Variants in DOCK4 observed in about 807,000 individuals in gnomAD.
DOCK4 encodes the protein dedicator of cytokinesis protein 4.
A neutral mutation model predicts 268.1 loss-of-function variants in DOCK4; 97 were observed. The ratio of observed to expected loss-of-function variants is 0.36; its 90% confidence interval spans 0.31 to 0.43. The LOEUF (loss-of-function observed/expected upper bound fraction) is 0.43. Among genes scored for constraint, DOCK4 ranks in the 20% least tolerant of loss-of-function variants. The probability of loss-of-function intolerance (pLI) is 1.00; values close to 1 mark genes in which losing one functional copy is unlikely to be tolerated. For synonymous variants in DOCK4, 954 were observed against 887.2 expected (o/e 1.08, Z -1.34); for missense variants, 2,145 against 2,455.7 (o/e 0.87, Z 2.67).
intron 1 of DOCK4, among the ~76,000 whole-genome samples, chr7:112,022,138 T>C (rs745339304): frequency 7.2e-5 from 11 of 152,224 alleles, no homozygotes; most frequent in Non-Finnish European, 1.2e-4. Context: ...TCTGTCTCTA[T>C]TCAGTTCCCC....
Position 111,992,299 on chromosome 7 carries a change from G to T in DOCK4, c.315+1836C>A, listed in dbSNP as rs1799605658. ...TAGAGAAGCTAGGTGCCTTAAAACTGTTGGAAAAGACGATGGACAATAACC... is the reference window on the plus strand; with the variant it reads ...TAGAGAAGCTAGGTGCCTTAAAACTTTTGGAAAAGACGATGGACAATAACC... On this transcript the variant is annotated intron_variant, in intron 5 of 52. Coordinates refer to ENST00000428084, the MANE Select transcript of DOCK4 (RefSeq NM_001363540.2). Among the ~76,000 whole-genome samples the T allele has an allele frequency of 2.6e-5, 4 of 152,270 alleles. No individual in the cohort carries two copies. The East Asian group carries it at 7.7e-4, about 29-fold the overall frequency.
intron 1 of DOCK4, among the ~76,000 whole-genome samples, chr7:112,097,089 G>A (rs1207002379): frequency 2.0e-5 from 3 of 152,188 alleles, no homozygotes; most frequent in Non-Finnish European, 4.4e-5. Flanking sequence ...GAAAAGAGAA[G>A]AAACTAAGTT....
intron 1 of DOCK4, among the ~76,000 whole-genome samples, chr7:112,016,850 G>A (rs1482786085): frequency 1.3e-5 from 2 of 152,056 alleles, no homozygotes; most frequent in Admixed American, 6.6e-5. Context: ...ACAAATTAAC[G>A]TTTTTGTCCA....
At chr7:111,985,468 T>A (rs1408681121) in intron 6 of DOCK4, among the ~76,000 whole-genome samples, 7 of 152,182 alleles carry the variant, frequency 4.6e-5, no homozygotes, top group African/African-American at 1.7e-4. Context: ...TTTCTTACTT[T>A]CGTATTTTAA....
chr7:111,968,666 T>C (rs1245192595), intron 8 of DOCK4, among the ~76,000 whole-genome samples: 1 of 122,664 alleles, frequency 8.2e-6, no homozygotes, highest in Non-Finnish European at 1.6e-5. Context: ...TCCTCAGGGA[T>C]CTAGAACTAG....
intron 1 of DOCK4, among the ~76,000 whole-genome samples, chr7:112,004,664 C>A (rs1800709587): frequency 6.6e-6 from 1 of 152,144 alleles, no homozygotes; most frequent in Non-Finnish European, 1.5e-5. Flanking sequence ...GTGCCCAGAG[C>A]CTAGCATAGT....
chr7:111,950,304 G>GT (rs1453551094), intron 8 of DOCK4, among the ~76,000 whole-genome samples: 3 of 152,182 alleles, frequency 2.0e-5, no homozygotes, highest in African/African-American at 7.2e-5. Flanking sequence ...ACAGAAATAT[G>GT]TTTTTGACAG....
At chr7:111,902,476 G>C (rs1469396843) in intron 13 of DOCK4, among the ~76,000 whole-genome samples, 1 of 150,472 alleles carries the variant, frequency 6.6e-6, no homozygotes, top group Non-Finnish European at 1.5e-5. Context: ...TATAAAACTT[G>C]AGTTTTTAAA....
intron 1 of DOCK4, among the ~76,000 whole-genome samples, chr7:112,176,335 A>G (rs1407004292): frequency 6.6e-6 from 1 of 152,110 alleles, no homozygotes; most frequent in African/African-American, 2.4e-5. Flanking sequence ...CCCAATGTGT[A>G]CCCATTAGAA....
chr7:111,938,085 A>T (rs564113911), intron 11 of DOCK4, among the ~76,000 whole-genome samples: 3 of 152,220 alleles, frequency 2.0e-5, no homozygotes, highest in Non-Finnish European at 4.4e-5. Flanking sequence ...ACTGAAATTG[A>T]GGGTTGCTAT....
chr7:112,051,610 GA>G (rs1324053774), intron 1 of DOCK4, among the ~76,000 whole-genome samples: 1 of 151,598 alleles, frequency 6.6e-6, no homozygotes, highest in Non-Finnish European at 1.5e-5. Context: ...CAGGAGATCA[GA>G]AAAAAGAATG....
intron 28 of DOCK4, among the ~76,000 whole-genome samples, chr7:111,810,274 A>G (rs1801002237): frequency 6.6e-6 from 1 of 151,980 alleles, no homozygotes; most frequent in Admixed American, 6.6e-5. Flanking sequence ...CAATATGGTG[A>G]AACCCCGTCT....
At chr7:111,937,968 A>G (rs1794876777) in intron 11 of DOCK4, among the ~76,000 whole-genome samples, 1 of 152,240 alleles carries the variant, frequency 6.6e-6, no homozygotes, top group Non-Finnish European at 1.5e-5. Context: ...CATAGTAAGC[A>G]CACAGTAAAG....
At chr7:112,203,855 A>T (rs1012481301) in intron 1 of DOCK4, among the ~76,000 whole-genome samples, 36 of 147,942 alleles carry the variant, frequency 2.4e-4, no homozygotes, top group Non-Finnish European at 4.8e-4. Context: ...ACACACACAC[A>T]CACACACACA....
chr7:112,077,879 T>A (rs1241356159), intron 1 of DOCK4, among the ~76,000 whole-genome samples: 4 of 152,090 alleles, frequency 2.6e-5, no homozygotes, highest in African/African-American at 9.7e-5. Flanking sequence ...ATATAATAAA[T>A]TTAATGTATA....
Position 111,951,268 on chromosome 7 carries a change from A to G in DOCK4, c.702-5470T>C, listed in dbSNP as rs138679914. The stretch of plus-strand genomic sequence containing the variant: ...AAATGTGTACCCTGTGCCAGACCCT[A>G]TGACTTATGCCTTACATAGCTCTTC... On this transcript the variant is annotated intron_variant, in intron 8 of 52. Transcript: ENST00000428084. Among the ~76,000 whole-genome samples, 928 of 152,316 alleles carry G rather than the reference A, an allele frequency of 6.1e-3. 11 individuals are homozygous for G. The highest frequency in any genetic ancestry group is 0.021 in the African/African-American group (892 of 41,570).
At chr7:112,186,438 T>C (rs968583695) in intron 1 of DOCK4, among the ~76,000 whole-genome samples, 1 of 152,202 alleles carries the variant, frequency 6.6e-6, no homozygotes, top group Non-Finnish European at 1.5e-5. Context: ...AACATTTCTG[T>C]TCCTAAATTT....
chr7:112,073,738 GA>G (rs1054059615), intron 1 of DOCK4, among the ~76,000 whole-genome samples: 13 of 152,276 alleles, frequency 8.5e-5, no homozygotes, highest in African/African-American at 2.9e-4. Context: ...GTAGGACTGT[GA>G]GTATCAGAGG....
chr7:111,960,819 T>C (rs1359668926), intron 8 of DOCK4, among the ~76,000 whole-genome samples: 1 of 152,142 alleles, frequency 6.6e-6, no homozygotes, highest in East Asian at 1.9e-4. Context: ...CTTAACATAA[T>C]GTCCTCCAGG....
Sources: gnomAD v4.1 joint callset for allele counts (sites outside exome capture counted in the v4.1 genomes callset) on GRCh38, gnomAD v4.1.1 for gene constraint, MANE v1.5 for transcripts, NCBI Gene and HGNC (gene_info 2026-07-23, HGNC 2026-07-21) for gene names.